The following ZCCHC8 variants were observed in gnomAD, a reference collection of about 807,000 sequenced individuals.
ZCCHC8 encodes zinc finger CCHC-type containing 8.
A neutral mutation model predicts 70.6 loss-of-function variants in ZCCHC8; 27 were observed. The ratio of observed to expected loss-of-function variants is 0.38; its 90% CI spans 0.28 to 0.53. The LOEUF (loss-of-function observed/expected upper bound fraction) is 0.53. Ranked by LOEUF, ZCCHC8 falls within the 20% of genes least tolerant of loss-of-function variation. ZCCHC8 has a pLI of 0.81. For missense variants in ZCCHC8, 737 were observed against 876.9 expected, an observed-to-expected ratio of 0.84 and a Z score of 2.01; for synonymous variants, 293 against 317.4, an observed-to-expected ratio of 0.92 and a Z score of 0.82.
At chr12:122,478,617 C>T in intron 11 of ZCCHC8, 1 of 245,646 alleles carries the variant, frequency 4.1e-6, no homozygotes. Context: ...CAAGCACTGG[C>T]ACTGCTAACA....
intron 12 of ZCCHC8, 71 bp downstream of exon 12, chr12:122,478,135 G>T: frequency 7.3e-7 from 1 of 1,376,156 alleles, no homozygotes. Flanking sequence ...AAGGCTGTAA[G>T]ACGCTAATAA....
At chr12:122,477,803 A>G (rs1422471960) in intron 13 of ZCCHC8, 38 bp downstream of exon 13, 1 of 1,495,376 alleles carries the variant, frequency 6.7e-7, no homozygotes, top group African/African-American at 1.4e-5. Flanking sequence ...AAAAAAAAAA[A>G]AAAAAGAGAG....
intron 2 of ZCCHC8, among the ~76,000 whole-genome samples, chr12:122,493,764 G>A (rs982892295): frequency 3.9e-5 from 6 of 152,014 alleles, no homozygotes; most frequent in Non-Finnish European, 7.4e-5. Context: ...AGGCGCCTGC[G>A]ACCATGCCCA....
chr12:122,476,437 T>C lies in ZCCHC8; in HGVS notation c.1345+1404A>G, dbSNP rs767464760. Among the ~76,000 whole-genome samples, 70 of 151,340 alleles carry C rather than the reference T, an allele frequency of 4.6e-4. 1 individual carries two copies. Among genetic ancestry groups the C allele is most frequent in the Non-Finnish European group, 1.0e-4 (7 of 67,850 alleles). On this transcript the variant is annotated intron_variant, in intron 13 of 13. Transcript: ENST00000633063. ...ATAAGACCTCGGTGTCTACAAAATA[T>C]ACAAAAATCAGCTGGGTTTGGTGGC...
In ZCCHC8 at chr12:122,474,069, C is replaced by A; in HGVS notation, c.1552G>T (p.Glu518Ter). ...CGCCTCTGCTGTTCTTCAAGTTCTT[C>A]TAGAGTCAGTGCGTCCTCATCCACA... ...GAVDEDALTLEELEEQQRRIW... is the reference protein window; with the variant it reads ...GAVDEDALTL Residue 518 changes from glutamate (E) to a stop codon, truncating the protein, a stop_gained, in exon 14 of 14, where the codon GAA becomes TAA. Transcript: ENST00000633063. LOFTEE classifies it low-confidence loss of function (END_TRUNC). The A allele has an allele frequency of 6.6e-7, 1 of 1,523,530 alleles. No homozygotes were observed. The highest frequency in any genetic ancestry group is 2.3e-5 in the East Asian group (1 of 44,204). The allele number at this position is 1,523,530 out of a possible 1,614,324, so 94.4% of individuals were successfully genotyped here. A position where few individuals can be genotyped will look rare whatever the true frequency, so the allele number is the denominator to read the frequency against.
At chr12:122,481,040 T>G (rs1203108870) in intron 10 of ZCCHC8, 3 of 152,456 alleles carry the variant, frequency 2.0e-5, no homozygotes, top group East Asian at 3.8e-4. Flanking sequence ...TAACCATTCT[T>G]TTTTAGGGCC....
Position 122,480,251 on chromosome 12 carries a change from T to A in ZCCHC8, c.1079A>T (p.Asp360Val), listed in dbSNP as rs771124830. ...EIQQNKSVTY[D>V]LSKLVNYPGF... ...AGGATAGTTGACCAATTTTGAGAGA[T>A]CGTAAGTGACACTTTTATTCTGTTG... The change falls in exon 11 of 14, where the codon GAT becomes GTT. Residue 360 changes from aspartate to valine, a missense_variant. Transcript: ENST00000633063. 4 of 1,606,596 alleles carry A rather than the reference T, an allele frequency of 2.5e-6. No individual in the cohort carries two copies. The highest frequency in any genetic ancestry group is 3.4e-6 in the Non-Finnish European group (4 of 1,175,750).
Position 122,472,085 on chromosome 12 carries a change from AT to A in ZCCHC8, c.*1411del, listed in dbSNP as rs1453248905. 1 of 152,184 alleles carries A rather than the reference AT, an allele frequency of 6.6e-6. No individual in the cohort carries two copies. The highest frequency in any genetic ancestry group is 3.2e-3 in the Middle Eastern group (1 of 316). 9.4% of individuals were successfully genotyped at this position (152,184 alleles called of 1,614,324 possible). On this transcript the variant is annotated 3_prime_UTR_variant, in exon 14 of 14. Transcript: ENST00000633063. ...AGCTGCATGCCATTCATTTTTCAAA[AT>A]AATTACTTTTCAAAAATTCTGCTGT...
chr12:122,480,129 A>T, intron 11 of ZCCHC8, 61 bp downstream of exon 11: 1 of 1,440,016 alleles, frequency 6.9e-7, no homozygotes, highest in Non-Finnish European at 9.5e-7. Flanking sequence ...TAATATTTTG[A>T]CCAATCTTTA....
rs1957726549 is a variant in ZCCHC8 at position 122,490,587 on chromosome 12, G to A, written c.318-20C>T. On this transcript the variant is annotated intron_variant, in intron 3 of 13. Transcript: ENST00000633063. The stretch of plus-strand genomic sequence containing the variant: ...TATTGCCTGTGTAAGAGGACAAAAT[G>A]GTCAGAACCCAGACAGAGTAAAACA... 1.3e-6 allele frequency: 2 copies of A among 1,510,438 alleles called. No homozygotes were observed. Among genetic ancestry groups the A allele is most frequent in the East Asian group, 4.5e-5 (2 of 44,100 alleles). 93.6% of individuals were successfully genotyped at this position (1,510,438 alleles called of 1,614,324 possible). A position where few individuals can be genotyped will look rare whatever the true frequency, so the allele number is the denominator to read the frequency against.
intron 11 of ZCCHC8, among the ~76,000 whole-genome samples, chr12:122,478,859 GT>G (rs550015929): frequency 1.9e-3 from 284 of 152,242 alleles, no homozygotes; most frequent in Non-Finnish European, 3.6e-3. Flanking sequence ...ACTCAAGAAT[GT>G]ACATTTCTAA....
intron 5 of ZCCHC8, among the ~76,000 whole-genome samples, chr12:122,487,015 C>T (rs982291620): frequency 6.6e-6 from 1 of 152,238 alleles, no homozygotes; most frequent in Admixed American, 6.5e-5. Context: ...TTAGAACTTA[C>T]ATGCCAGGTA....
Position 122,474,253 on chromosome 12 carries a change from A to G in ZCCHC8, c.1368T>C (p.Ser456=). The change falls in exon 14 of 14, where the codon TCT becomes TCC. Residue 456 remains serine, a synonymous_variant. Coordinates refer to ENST00000633063, the MANE Select transcript of ZCCHC8 (RefSeq NM_017612.5). ...GAAACTGAAAACTTTCGCTGCTCTG[A>G]GAACCATGTGGTACCTCCATATCTG... The part of the protein sequence containing the change: ...LDSDMEVPHG[S]QSSESFQFQP... 1 of 1,460,298 alleles carries G rather than the reference A, an allele frequency of 6.8e-7. No homozygotes were observed. Among genetic ancestry groups the G allele is most frequent in the Non-Finnish European group, 9.0e-7 (1 of 1,108,658 alleles). The allele number at this position is 1,460,298 out of a possible 1,614,324, so 90.5% of individuals were successfully genotyped here. A position where few individuals can be genotyped will look rare whatever the true frequency, so the allele number is the denominator to read the frequency against.
chr12:122,496,303 T>C (rs1957825703), intron 2 of ZCCHC8, among the ~76,000 whole-genome samples: 1 of 152,202 alleles, frequency 6.6e-6, no homozygotes, highest in East Asian at 1.9e-4. Flanking sequence ...TGGTTTTCTG[T>C]ACAACACTTT....
At position 122,496,175 on chromosome 12, in the gene ZCCHC8, T is replaced by A. The variant is rs73222265; in HGVS notation, c.242+2652A>T. On this transcript the variant is annotated intron_variant, in intron 2 of 13. Transcript: ENST00000633063. ...GAGTGAGAAATTGTCTCAAAAAATT[T>A]AAAAAAAAACAAAAACCAGGAGAAA... Among the ~76,000 whole-genome samples, 726 of 150,740 alleles carry A rather than the reference T, an allele frequency of 4.8e-3. 7 individuals carry two copies. The highest frequency in any genetic ancestry group is 0.011 in the African/African-American group (461 of 41,062).
At chr12:122,498,099 C>T (rs1459277762) in intron 2 of ZCCHC8, among the ~76,000 whole-genome samples, 1 of 151,152 alleles carries the variant, frequency 6.6e-6, no homozygotes, top group African/African-American at 2.4e-5. Context: ...TTTCATTGTT[C>T]TATTTATGAA....
At position 122,483,212 on chromosome 12, in the gene ZCCHC8, A is replaced by C. The variant is rs1957569698; in HGVS notation, c.671+67T>G. On this transcript the variant is annotated intron_variant, in intron 7 of 13. Coordinates refer to ENST00000633063, the MANE Select transcript of ZCCHC8 (RefSeq NM_017612.5). This position sits in a 1 kb window ranked among gnomAD's most constrained non-coding sequence, Gnocchi z 4.4. ...CAGCAGTAAAGAACATGAACTTTTCAAGCCAAAAGTTTATGATTTTGGTTA... is the reference window on the plus strand; with the variant it reads ...CAGCAGTAAAGAACATGAACTTTTCCAGCCAAAAGTTTATGATTTTGGTTA... 1 of 1,439,384 alleles carries C rather than the reference A, an allele frequency of 6.9e-7. No individual in the cohort carries two copies. The highest frequency in any genetic ancestry group is 2.3e-4 in the Middle Eastern group (1 of 4,410). The allele number at this position is 1,439,384 out of a possible 1,614,324, so 89.2% of individuals were successfully genotyped here.
intron 11 of ZCCHC8, among the ~76,000 whole-genome samples, 153 bp downstream of exon 11, chr12:122,480,037 C>T (rs1402860883): frequency 6.6e-6 from 1 of 152,108 alleles, no homozygotes; most frequent in Non-Finnish European, 1.5e-5. Flanking sequence ...GTCTCGAACT[C>T]TGGGACTCAA....
rs1957904327 is a variant in ZCCHC8, at chr12:122,500,413, G to C, written c.199+229C>G. 1.7e-6 allele frequency: 1 copy of C among 588,760 alleles called. No homozygotes were observed. Among genetic ancestry groups the C allele is most frequent in the Non-Finnish European group, 3.0e-6 (1 of 338,764 alleles). 36.5% of individuals were successfully genotyped at this position (588,760 alleles called of 1,614,324 possible). ...CCGGGTGGGAGGCAGGAGTGGGTCT[G>C]GTCAGGAGACGGCCTCCCTGAGGGG... On this transcript the variant is annotated intron_variant, in intron 1 of 13. Transcript: ENST00000633063. This position sits in a 1 kb window ranked among gnomAD's most constrained non-coding sequence, Gnocchi z 4.8.
Sources: gnomAD v4.1 joint callset for allele counts (sites outside exome capture counted in the v4.1 genomes callset) on GRCh38, gnomAD v4.1.1 for gene constraint, Gnocchi (gnomAD v3.1) non-coding constraint, MANE v1.5 for transcripts, NCBI Gene and HGNC (gene_info 2026-07-23, HGNC 2026-07-21) for gene names.